PKD1L1: variants seen among roughly 807,000 people sequenced by gnomAD.
PKD1L1 encodes polycystin 1 like 1, transient receptor potential channel interacting, also known as polycystin-1-like protein 1.
A neutral mutation model predicts 323.4 loss-of-function variants in PKD1L1; 236 were observed. The ratio of observed to expected loss-of-function variants is 0.73; its 90% CI spans 0.66 to 0.81. PKD1L1 has a LOEUF of 0.81. Ranked by LOEUF, PKD1L1 falls within the 40% of genes least tolerant of loss-of-function variation. The pLI is 0.00. For missense variants in PKD1L1, 3,320 were observed against 3,508.0 expected (o/e 0.95, Z 1.35); for synonymous variants, 1,344 against 1,335.0 (o/e 1.01, Z -0.15).
chr7:47,786,907 A>C (rs147604696), intron 56 of PKD1L1, among the ~76,000 whole-genome samples: 2 of 152,292 alleles, frequency 1.3e-5, no homozygotes, highest in East Asian at 3.9e-4. Flanking sequence ...CGAGCTGGCA[A>C]GGGGGAGAAG....
chr7:47,904,360 C>A lies in PKD1L1; in HGVS notation c.1931+18G>T. 6.2e-7 allele frequency: 1 copy of A among 1,613,820 alleles called. No homozygotes were observed. The highest frequency in any genetic ancestry group is 1.1e-5 in the South Asian group (1 of 91,064). On this transcript the variant is annotated intron_variant, in intron 12 of 56. Transcript: ENST00000289672. ...GCGCTGTCTGTAGAGAGCACTCCGC[C>A]GCCTTGCAGTGGCTCACCTACTGTA...
chr7:47,935,785 T>C (rs760468838), intron 4 of PKD1L1, among the ~76,000 whole-genome samples: 61 of 152,240 alleles, frequency 4.0e-4, no homozygotes, highest in Non-Finnish European at 6.9e-4. Context: ...AGCAATATTA[T>C]AGCAGCAAAT....
rs1200147093 is a variant in PKD1L1, at chr7:47,840,084, C to A, written c.5552+377G>T. ...TATTTTCTAAGACGCCAGGTGCTTGCATCCTATCTTGTTAAATTCACTCTT... is the reference window on the plus strand; with the variant it reads ...TATTTTCTAAGACGCCAGGTGCTTGAATCCTATCTTGTTAAATTCACTCTT... On this transcript the variant is annotated intron_variant, in intron 35 of 56. Transcript: ENST00000289672. The surrounding 1 kb of genome is among the most constrained non-coding windows in gnomAD (Gnocchi z 4.1). 6.6e-6 allele frequency among the ~76,000 whole-genome samples: 1 copy of A among 152,136 alleles called. No homozygotes were observed. The highest frequency in any genetic ancestry group is 1.5e-5 in the Non-Finnish European group (1 of 68,016).
chr7:47,893,480 G>A (rs1291057981), intron 15 of PKD1L1, among the ~76,000 whole-genome samples: 9 of 152,130 alleles, frequency 5.9e-5, no homozygotes, highest in Admixed American at 4.6e-4. Context: ...GCCCACAGGC[G>A]GGAAGCGGTG....
intron 56 of PKD1L1, among the ~76,000 whole-genome samples, chr7:47,788,577 A>ATATATATTT (rs939251075): frequency 2.3e-3 from 322 of 138,046 alleles, no homozygotes; most frequent in African/African-American, 5.5e-3. Context: ...ATATATATAT[A>ATATATATTT]TTTTTTTTTT....
rs1169178171 is a variant in PKD1L1, at chr7:47,792,031, C to A, written c.8526+596G>T. Among the ~76,000 whole-genome samples the A allele has an allele frequency of 2.6e-5, 4 of 152,332 alleles. No individual in the cohort carries two copies. The East Asian group carries it at 7.7e-4, about 29-fold the overall frequency. On this transcript the variant is annotated intron_variant, in intron 56 of 56. Coordinates refer to ENST00000289672, the MANE Select transcript of PKD1L1 (RefSeq NM_138295.5). ...CCTAGGCAGCCACATCAACAAACAG[C>A]TTCCTACAAAGACGGCTTCCTGCAC...
At chr7:47,853,290 A>C in intron 30 of PKD1L1, 63 bp from the exon 31 acceptor site, 1 of 1,185,866 alleles carries the variant, frequency 8.4e-7, no homozygotes, top group Middle Eastern at 2.1e-4. Context: ...GGTTTTAGTC[A>C]AATTTCTATC....
At chr7:47,959,033 G>A in the PKD1L1 span, among the ~76,000 whole-genome samples, 4 of 152,362 alleles carry the variant, frequency 2.6e-5, no homozygotes, top group African/African-American at 4.8e-5. Flanking sequence ...TGTGTTGGCC[G>A]GGCTGGTCTC....
chr7:47,852,754 G>A (rs1785810079), intron 31 of PKD1L1, among the ~76,000 whole-genome samples: 2 of 152,148 alleles, frequency 1.3e-5, no homozygotes, highest in Non-Finnish European at 2.9e-5. Flanking sequence ...GAAGTCCTGG[G>A]TCAACTCTGA....
In PKD1L1 at chr7:47,940,323, G is replaced by GAA. The variant is rs569150360; in HGVS notation, c.161-8_161-7dup. ...CACATGATTAGCATAGACCTCTAGA[G>GAA]AAAAAAAAAAAAGCAAACATTCTGA... On this transcript the variant is annotated splice_polypyrimidine_tract_variant and splice_region_variant and intron_variant, in intron 2 of 56. Transcript: ENST00000289672. 96 of 1,322,022 alleles carry GAA rather than the reference G, an allele frequency of 7.3e-5. No individual in the cohort carries two copies. Among genetic ancestry groups the GAA allele is most frequent in the East Asian group, 5.6e-4 (21 of 37,762 alleles). The allele number at this position is 1,322,022 out of a possible 1,614,324, so 81.9% of individuals were successfully genotyped here. A position where few individuals can be genotyped will look rare whatever the true frequency, so the allele number is the denominator to read the frequency against.
rs768120171 is a variant in PKD1L1 at position 47,904,358 on chromosome 7, G to A, written c.1931+20C>T. On this transcript the variant is annotated intron_variant, in intron 12 of 56. Transcript: ENST00000289672. Reference sequence around the variant, plus strand: ...CCGCGCTGTCTGTAGAGAGCACTCCGCCGCCTTGCAGTGGCTCACCTACTG... The same window carrying A: ...CCGCGCTGTCTGTAGAGAGCACTCCACCGCCTTGCAGTGGCTCACCTACTG... 44 of 1,613,258 alleles carry A rather than the reference G, an allele frequency of 2.7e-5. No individual in the cohort carries two copies. The highest frequency in any genetic ancestry group is 7.7e-5 in the South Asian group (7 of 91,056).
At chr7:47,943,200 G>C (rs1788033423) in intron 2 of PKD1L1, among the ~76,000 whole-genome samples, 196 bp downstream of exon 2, 1 of 142,574 alleles carries the variant, frequency 7.0e-6, no homozygotes, top group East Asian at 2.0e-4. Context: ...ATATATATGT[G>C]TGTGTACCAT....
chr7:47,805,177 T>C (rs968076710), intron 52 of PKD1L1, among the ~76,000 whole-genome samples: 11 of 152,032 alleles, frequency 7.2e-5, no homozygotes, highest in African/African-American at 2.7e-4. Flanking sequence ...TTATTAAGAC[T>C]TGAAGAAAGT....
upstream of PKD1L1, among the ~76,000 whole-genome samples, chr7:47,952,481 C>T (rs977705668): frequency 6.6e-6 from 1 of 152,218 alleles, no homozygotes; most frequent in Non-Finnish European, 1.5e-5. Flanking sequence ...TTCCCTGCCT[C>T]CATTAGCATC....
At chr7:47,937,262 G>T (rs1271711983) in intron 3 of PKD1L1, among the ~76,000 whole-genome samples, 2 of 55,392 alleles carry the variant, frequency 3.6e-5, no homozygotes, top group South Asian at 1.1e-3. Context: ...GTGGGGGTGG[G>T]GGGGGGGGGC....
chr7:47,959,549 C>A, the PKD1L1 span, among the ~76,000 whole-genome samples: 1 of 147,000 alleles, frequency 6.8e-6, no homozygotes, highest in Non-Finnish European at 1.5e-5. Flanking sequence ...CTCTGCCCAG[C>A]CGCCCCGTCT....
chr7:47,921,820 A>C (rs183877702), intron 7 of PKD1L1, among the ~76,000 whole-genome samples: 2 of 152,176 alleles, frequency 1.3e-5, no homozygotes, highest in Admixed American at 1.3e-4. Flanking sequence ...GTTCTCACTT[A>C]TAAGTGAGAG....
At position 47,800,717 on chromosome 7, in the gene PKD1L1, C is replaced by T. The variant is rs1348478246; in HGVS notation, c.8125G>A (p.Asp2709Asn). The T allele has an allele frequency of 1.7e-5, 27 of 1,614,058 alleles. No individual in the cohort carries two copies. The highest frequency in any genetic ancestry group is 3.3e-5 in the Admixed American group (2 of 60,010). Reference sequence around the variant, plus strand: ...AAGTAACAAGCCATGGCCCGCTGGTCAGACTTGGAAAGGCCAAGGAGGCAG... The same window carrying T: ...AAGTAACAAGCCATGGCCCGCTGGTTAGACTTGGAAAGGCCAAGGAGGCAG... The part of the protein sequence containing the change: ...KDCLLGLSKS[D>N]QRAMACYFGI... The change falls in exon 54 of 57, where the codon GAC becomes AAC. Residue 2709 changes from aspartate to asparagine, a missense_variant. Physicochemically the swap from Asp to Asn is conservative, Grantham distance 23. Transcript: ENST00000289672.
chr7:47,878,501 C>A (rs527825540), intron 21 of PKD1L1, among the ~76,000 whole-genome samples: 1 of 152,302 alleles, frequency 6.6e-6, no homozygotes, highest in African/African-American at 2.4e-5. Context: ...TGCTACACAC[C>A]AGGTGCCCTG....
Sources: gnomAD v4.1 joint callset for allele counts (sites outside exome capture counted in the v4.1 genomes callset) on GRCh38, gnomAD v4.1.1 for gene constraint, Gnocchi (gnomAD v3.1) non-coding constraint, MANE v1.5 for transcripts, NCBI Gene and HGNC (gene_info 2026-07-23, HGNC 2026-07-21) for gene names.